ANK2: variants seen among roughly 807,000 people sequenced by gnomAD.
ANK2 encodes the protein ankyrin 2, also known as ankyrin-2.
Under a neutral mutation model 360.5 loss-of-function variants are expected in ANK2, and 83 were observed. The ratio of observed to expected loss-of-function variants is 0.23; its 90% CI spans 0.19 to 0.28. ANK2 has a LOEUF of 0.28. ANK2 is among the 10% of genes least tolerant of loss of function. ANK2 has a pLI of 1.00. For synonymous variants in ANK2, 1,740 were observed against 1,759.5 expected, an observed-to-expected ratio of 0.99 and a Z score of 0.28; for missense variants, 4,201 against 4,795.7, an observed-to-expected ratio of 0.88 and a Z score of 3.66.
chr4:112,717,365 T>C, the ANK2 span, among the ~76,000 whole-genome samples: 1 of 152,244 alleles, frequency 6.6e-6, no homozygotes, highest in Non-Finnish European at 1.5e-5. Flanking sequence ...TGAATTTCTC[T>C]TCTGCTATCT....
chr4:112,987,764 G>A (rs556551991), intron 2 of ANK2, among the ~76,000 whole-genome samples: 25 of 151,820 alleles, frequency 1.6e-4, no homozygotes, highest in Middle Eastern at 3.4e-3. Context: ...GGCAATATAC[G>A]TATTATACTA....
intron 2 of ANK2, among the ~76,000 whole-genome samples, chr4:112,959,823 G>T (rs1175996038): frequency 3.3e-5 from 5 of 152,180 alleles, no homozygotes; most frequent in Non-Finnish European, 4.4e-5. Context: ...CCAGACACTT[G>T]TTGGGCCCAT....
chr4:113,359,445 GT>G, intron 38 of ANK2, 146 bp downstream of exon 38: 1 of 1,001,634 alleles, frequency 1.0e-6, no homozygotes, highest in Non-Finnish European at 1.5e-6. Context: ...AGCCCTTTGT[GT>G]TTTGTGCTTT....
At chr4:113,315,017 TCTCTA>T (rs58447326) in intron 24 of ANK2, among the ~76,000 whole-genome samples, 23,529 of 152,066 alleles carry the variant, frequency 0.15, 2,565 homozygotes, top group African/African-American at 0.32. Context: ...TATCTTTCTC[TCTCTA>T]CTCTAATCAA....
At chr4:112,908,789 C>T (rs1561049852) in intron 2 of ANK2, among the ~76,000 whole-genome samples, 1 of 152,158 alleles carries the variant, frequency 6.6e-6, no homozygotes, top group African/African-American at 2.4e-5. Flanking sequence ...GCTTTCATTC[C>T]AAAACTCATT....
At chr4:112,722,879 G>A in the ANK2 span, among the ~76,000 whole-genome samples, 48 of 151,994 alleles carry the variant, frequency 3.2e-4, no homozygotes, top group African/African-American at 9.7e-4. Context: ...CAGGAGGATC[G>A]CTTGAGCCCA....
chr4:112,883,018 C>CTTTTTTTTTTT (rs536262490), intron 1 of ANK2, among the ~76,000 whole-genome samples: 4 of 30,526 alleles, frequency 1.3e-4, no homozygotes, highest in African/African-American at 4.2e-4. Flanking sequence ...CTTGGTTAGT[C>CTTTTTTTTTTT]TTTTTTTTTT....
rs1352457498 is a variant in ANK2 at position 113,209,154 on chromosome 4, G to T, written c.384+10045G>T. Among the ~76,000 whole-genome samples the T allele has an allele frequency of 1.3e-5, 2 of 151,946 alleles. 1 individual carries two copies. Among genetic ancestry groups the T allele is most frequent in the African/African-American group, 4.9e-5 (2 of 41,220 alleles). On this transcript the variant is annotated intron_variant, in intron 4 of 45. Transcript: ENST00000357077. The stretch of plus-strand genomic sequence containing the variant: ...TTATACCATTTTGAGGATACAGAAA[G>T]AATAGGGGCCTGGAGCATGGCAAAA...
intron 1 of ANK2, among the ~76,000 whole-genome samples, chr4:113,163,764 C>CAAAAAAAAAAAAAAAAAAAAAAAAA (rs1158530849): frequency 3.6e-4 from 20 of 55,042 alleles, no homozygotes; most frequent in African/African-American, 7.3e-4. Flanking sequence ...AACTTCGTCT[C>CAAAAAAAAAAAAAAAAAAAAAAAAA]AAAAAAAAAA....
chr4:112,861,114 T>C (rs1198101526), intron 1 of ANK2, among the ~76,000 whole-genome samples: 1 of 152,212 alleles, frequency 6.6e-6, no homozygotes, highest in Non-Finnish European at 1.5e-5. Context: ...AGGAGGTCCC[T>C]GTGAGGGTGC....
At chr4:113,079,851 G>A (rs1489709770) in intron 1 of ANK2, among the ~76,000 whole-genome samples, 6 of 151,116 alleles carry the variant, frequency 4.0e-5, no homozygotes, top group African/African-American at 9.7e-5. Flanking sequence ...ACATAAAGTC[G>A]TTTATCTATT....
At chr4:113,212,503 G>C (rs562745937) in intron 4 of ANK2, among the ~76,000 whole-genome samples, 36 of 152,288 alleles carry the variant, frequency 2.4e-4, no homozygotes, top group Non-Finnish European at 4.6e-4. Context: ...ACTTTAAAAT[G>C]GCCAGCGATC....
chr4:112,810,137 ATATATATATATATATATATATATTTTT>A, the ANK2 span, among the ~76,000 whole-genome samples: 1 of 32,798 alleles, frequency 3.0e-5, no homozygotes, highest in Admixed American at 3.6e-4. Flanking sequence ...ATATATATAT[ATATATATATATATATATATATATTTTT>A]TTTTTTTTTT....
the ANK2 span, among the ~76,000 whole-genome samples, chr4:112,790,735 C>T: frequency 2.0e-5 from 3 of 152,146 alleles, no homozygotes; most frequent in Non-Finnish European, 4.4e-5. Context: ...GATCCACCCA[C>T]CTCGGCCTCC....
the ANK2 span, among the ~76,000 whole-genome samples, chr4:112,713,975 AT>A: frequency 3.9e-5 from 6 of 152,116 alleles, no homozygotes; most frequent in East Asian, 9.7e-4. Context: ...CTATTTTCCA[AT>A]GTGACTGTGT....
chr4:113,208,072 A>G (rs995544211), intron 4 of ANK2, among the ~76,000 whole-genome samples: 3 of 150,190 alleles, frequency 2.0e-5, no homozygotes, highest in African/African-American at 7.6e-5. Flanking sequence ...ATCCTGAAAG[A>G]TTTTATGAGC....
chr4:113,251,265 G>T (rs1478660984), intron 10 of ANK2, among the ~76,000 whole-genome samples: 1 of 152,084 alleles, frequency 6.6e-6, no homozygotes, highest in East Asian at 1.9e-4. Flanking sequence ...CACTAATGAA[G>T]ATGGCAGGTT....
At chr4:112,817,040 G>A (rs1432461778), upstream of ANK2, among the ~76,000 whole-genome samples, 1 of 152,182 alleles carries the variant, frequency 6.6e-6, no homozygotes, top group African/African-American at 2.4e-5. Flanking sequence ...CTCTCTGCTA[G>A]GGGAGCATTA....
In ANK2 at chr4:113,289,219, T is replaced by TC. The variant is rs537208967; in HGVS notation, c.2277+733_2277+734insC. On this transcript the variant is annotated intron_variant, in intron 20 of 45. Transcript: ENST00000357077. ...ATATATCAGAAATTTCTTTTTCTTTTTTTTTTTTTTTTTTAAGACAGGGTC... is the reference window on the plus strand; with the variant it reads ...ATATATCAGAAATTTCTTTTTCTTTTCTTTTTTTTTTTTTTAAGACAGGGTC... Among the ~76,000 whole-genome samples the TC allele has an allele frequency of 5.9e-4, 88 of 150,186 alleles. 1 individual carries two copies. The South Asian group carries it at 5.9e-3, about 10-fold the overall frequency.
Sources: gnomAD v4.1 joint callset for allele counts (sites outside exome capture counted in the v4.1 genomes callset) on GRCh38, gnomAD v4.1.1 for gene constraint, MANE v1.5 for transcripts, NCBI Gene and HGNC (gene_info 2026-07-23, HGNC 2026-07-21) for gene names.